HTR6: variants seen among roughly 807,000 people sequenced by gnomAD.
HTR6 encodes 5-hydroxytryptamine receptor 6, also known as 5-hydroxytryptamine (serotonin) receptor 6, G protein-coupled.
A neutral mutation model predicts 17.4 loss-of-function variants in HTR6; 15 were observed. That is an observed-to-expected ratio of 0.86 (90% confidence interval 0.58 to 1.33). The LOEUF (loss-of-function observed/expected upper bound fraction) is 1.33. Among genes scored for constraint, HTR6 ranks in the 40% most tolerant of loss-of-function variants. The probability of loss-of-function intolerance (pLI) is 0.00; values close to 1 mark genes in which losing one functional copy is unlikely to be tolerated. For synonymous variants in HTR6, 326 were observed against 295.5 expected (o/e 1.10, Z -1.06); for missense variants, 578 against 616.0 (o/e 0.94, Z 0.65).
At chr1:19,673,177 C>A (rs1474953274) in intron 1 of HTR6, among the ~76,000 whole-genome samples, 1 of 152,212 alleles carries the variant, frequency 6.6e-6, no homozygotes, top group Non-Finnish European at 1.5e-5. Flanking sequence ...TATGGGACTT[C>A]CTATGTGCTG....
chr1:19,677,755 G>C (rs2095096127), intron 1 of HTR6, among the ~76,000 whole-genome samples: 2 of 152,174 alleles, frequency 1.3e-5, no homozygotes, highest in South Asian at 4.1e-4. Flanking sequence ...GTGTCTGTGT[G>C]TGTGACAGAG....
At chr1:19,668,254 ATTG>A (rs2095083936) in intron 1 of HTR6, among the ~76,000 whole-genome samples, 1 of 151,344 alleles carries the variant, frequency 6.6e-6, no homozygotes, top group African/African-American at 2.4e-5. Flanking sequence ...TGTTGTTGTT[ATTG>A]TTGTTTTTTA....
At chr1:19,671,526 C>T (rs1366576315) in intron 1 of HTR6, among the ~76,000 whole-genome samples, 7 of 152,170 alleles carry the variant, frequency 4.6e-5, no homozygotes, top group Non-Finnish European at 1.0e-4. Flanking sequence ...CCTGGGTCAC[C>T]GCCTCTTTCT....
rs573976313 is a variant in HTR6, at chr1:19,666,592, C to G, written c.714+125C>G. 1.4e-6 allele frequency: 1 copy of G among 698,118 alleles called. No homozygotes were observed. The highest frequency in any genetic ancestry group is 1.9e-5 in the South Asian group (1 of 52,246). The allele number at this position is 698,118 out of a possible 1,614,324, so 43.2% of individuals were successfully genotyped here. A position where few individuals can be genotyped will look rare whatever the true frequency, so the allele number is the denominator to read the frequency against. On this transcript the variant is annotated intron_variant, in intron 1 of 2. Transcript: ENST00000289753. The surrounding 1 kb of genome is among the most constrained non-coding windows in gnomAD (Gnocchi z 4.5). ...TGGCCCTGCGTGGCTGTTGTGAGCGCCCACCTTTCTTCTGAACTCCAGAGC... is the reference window on the plus strand; with the variant it reads ...TGGCCCTGCGTGGCTGTTGTGAGCGGCCACCTTTCTTCTGAACTCCAGAGC...
chr1:19,678,748 G>A, intron 2 of HTR6, 23 bp downstream of exon 2: 1 of 1,598,970 alleles, frequency 6.3e-7, no homozygotes, highest in South Asian at 1.1e-5. Flanking sequence ...CAGGGGGCAG[G>A]TGAGTCCGGC....
intron 1 of HTR6, among the ~76,000 whole-genome samples, chr1:19,667,450 C>T (rs2095082969): frequency 6.6e-6 from 1 of 151,694 alleles, no homozygotes; most frequent in Admixed American, 6.6e-5. Flanking sequence ...GAGTCTCGCT[C>T]TGTTGCCCAG....
rs2100479002 is a variant in HTR6, at chr1:19,679,262, A to G, written c.1217A>G (p.Gln406Arg). ...AQLLLPGEAT[Q>R]DPPLPTRAAA... The stretch of plus-strand genomic sequence containing the variant: ...CTGCTGCTTCCTGGCGAGGCCACCC[A>G]GGACCCCCCGCTGCCCACCAGGGCC... Residue 406 changes from glutamine to arginine, a missense_variant, in exon 3 of 3, where the codon CAG (glutamine) becomes CGG (arginine). Gln to Arg is a conservative substitution (Grantham distance 43). Coordinates refer to ENST00000289753, the MANE Select transcript of HTR6 (RefSeq NM_000871.3). The surrounding 1 kb of genome is among the most constrained non-coding windows in gnomAD (Gnocchi z 4.9). The G allele has an allele frequency of 1.2e-6, 2 of 1,600,870 alleles. No individual in the cohort carries two copies. Among genetic ancestry groups the G allele is most frequent in the Non-Finnish European group, 1.7e-6 (2 of 1,175,612 alleles).
chr1:19,667,804 C>T (rs1328667399), intron 1 of HTR6, among the ~76,000 whole-genome samples: 1 of 152,172 alleles, frequency 6.6e-6, no homozygotes, highest in Non-Finnish European at 1.5e-5. Flanking sequence ...CTATTGACCC[C>T]CTGGAGGGGT....
At chr1:19,673,860 C>CTTTTTTTTTTTTTT (rs549470101) in intron 1 of HTR6, among the ~76,000 whole-genome samples, 2 of 128,354 alleles carry the variant, frequency 1.6e-5, no homozygotes. Flanking sequence ...CCTTCTAGGT[C>CTTTTTTTTTTTTTT]TTTTTTTTTT....
intron 1 of HTR6, among the ~76,000 whole-genome samples, chr1:19,668,790 C>A (rs113890272): frequency 0.013 from 1,917 of 152,266 alleles, 35 homozygotes; most frequent in African/African-American, 0.044. Flanking sequence ...AACTTCGTAT[C>A]TCCTCTAGAA....
At chr1:19,678,196 T>G (rs2095096688) in intron 1 of HTR6, among the ~76,000 whole-genome samples, 1 of 152,210 alleles carries the variant, frequency 6.6e-6, no homozygotes, top group Admixed American at 6.5e-5. Flanking sequence ...TCACTGCACT[T>G]CCTAGAGCTC....
Position 19,678,177 on chromosome 1 carries a change from T to C in HTR6, c.715-390T>C, listed in dbSNP as rs535945402. Among the ~76,000 whole-genome samples, 10 of 152,356 alleles carry C rather than the reference T, an allele frequency of 6.6e-5. No homozygotes were observed. The South Asian group carries it at 2.1e-3, about 32-fold the overall frequency. On this transcript the variant is annotated intron_variant, in intron 1 of 2. Transcript: ENST00000289753. ...ACCATCTGATTTGTGTTTCAGGTAT[T>C]GCTCTGTCTCACTGCACTTCCTAGA...
rs76308130 is a variant in HTR6, at chr1:19,666,787, A to G, written c.714+320A>G. Among the ~76,000 whole-genome samples, 2,462 of 152,034 alleles carry G rather than the reference A, an allele frequency of 0.016. 71 individuals carry two copies. Among genetic ancestry groups the G allele is most frequent in the African/African-American group, 0.056 (2,329 of 41,448 alleles). On this transcript the variant is annotated intron_variant, in intron 1 of 2. Transcript: ENST00000289753. The surrounding 1 kb of genome is among the most constrained non-coding windows in gnomAD (Gnocchi z 4.5). ...ACCATTGCGGCATCACATGCCAGGA[A>G]CTTAGGAATACTTTTCTCCCTCACC...
At chr1:19,677,166 C>CTG (rs373136462) in intron 1 of HTR6, among the ~76,000 whole-genome samples, 71 of 151,422 alleles carry the variant, frequency 4.7e-4, no homozygotes, top group African/African-American at 1.5e-3. Flanking sequence ...GTTTTCTTGT[C>CTG]TGTGTGTGTG....
rs967403497 is a variant in HTR6 at position 19,666,052 on chromosome 1, T to G, written c.299T>G (p.Leu100Arg). The G allele has an allele frequency of 3.1e-6, 5 of 1,613,302 alleles. No homozygotes were observed. The African/African-American group carries it at 6.7e-5, about 22-fold the overall frequency. ...GRWVLARGLC[L>R]LWTAFDVMCC... is the part of the protein sequence containing the mutation. ...TGGGTGCTGGCGCGCGGCCTCTGCCTGCTCTGGACCGCCTTCGACGTGATG... is the reference window on the plus strand; with the variant it reads ...TGGGTGCTGGCGCGCGGCCTCTGCCGGCTCTGGACCGCCTTCGACGTGATG... Residue 100 changes from leucine (L) to arginine (R), a missense_variant, in exon 1 of 3, where the codon CTG (leucine) becomes CGG (arginine). Transcript: ENST00000289753. This position sits in a 1 kb window ranked among gnomAD's most constrained non-coding sequence, Gnocchi z 4.5.
chr1:19,680,260 C>T lies in HTR6; in HGVS notation c.*892C>T, dbSNP rs1007059379. 7.9e-5 allele frequency among the ~76,000 whole-genome samples: 12 copies of T among 152,212 alleles called. No individual in the cohort carries two copies. The highest frequency in any genetic ancestry group is 2.7e-4 in the African/African-American group (11 of 41,446). On this transcript the variant is annotated 3_prime_UTR_variant, in exon 3 of 3. Transcript: ENST00000289753. ...CGGCTATCCAGCCCCCTGGCCTCTC[C>T]GGCTGTGTGTCAGGAAGGGCTCTTT...
intron 1 of HTR6, among the ~76,000 whole-genome samples, chr1:19,672,703 T>A (rs1570584472): frequency 6.6e-6 from 1 of 152,286 alleles, no homozygotes; most frequent in Non-Finnish European, 1.5e-5. Flanking sequence ...GTCAATTAGA[T>A]AATATACATA....
intron 1 of HTR6, among the ~76,000 whole-genome samples, chr1:19,673,371 G>A (rs1338699487): frequency 6.6e-6 from 1 of 152,236 alleles, no homozygotes; most frequent in South Asian, 2.1e-4. Flanking sequence ...TGGCTCCAGA[G>A]TCTGTCTTGT....
At chr1:19,675,729 C>G (rs1013684057) in intron 1 of HTR6, among the ~76,000 whole-genome samples, 2 of 152,070 alleles carry the variant, frequency 1.3e-5, no homozygotes, top group African/African-American at 4.8e-5. Context: ...CTGGATGAGA[C>G]AGTGTCTCAT....
Sources: gnomAD v4.1 joint callset for allele counts (sites outside exome capture counted in the v4.1 genomes callset) on GRCh38, gnomAD v4.1.1 for gene constraint, Gnocchi (gnomAD v3.1) non-coding constraint, MANE v1.5 for transcripts, NCBI Gene and HGNC (gene_info 2026-07-23, HGNC 2026-07-21) for gene names.